IBTK: variants seen among roughly 807,000 people sequenced by gnomAD.
The protein encoded by IBTK is BTK-binding protein.
IBTK carries 83 observed loss-of-function variants against 154.9 expected under a neutral mutation model. That is an observed-to-expected ratio of 0.54 (90% CI 0.45 to 0.64). The LOEUF (loss-of-function observed/expected upper bound fraction) is 0.64, where lower values mean the gene tolerates loss of function less well. Among genes scored for constraint, IBTK ranks in the 30% least tolerant of loss-of-function variants. IBTK has a pLI of 0.00. For synonymous variants in IBTK, 515 were observed against 536.1 expected (o/e 0.96, Z 0.54); for missense variants, 1,332 against 1,584.6 (o/e 0.84, Z 2.71).
At position 82,202,628 on chromosome 6, in the gene IBTK, C is replaced by T; in HGVS notation, c.2629G>A (p.Ala877Thr). The T allele has an allele frequency of 6.3e-7, 1 of 1,592,038 alleles. No homozygotes were observed. Among genetic ancestry groups the T allele is most frequent in the Non-Finnish European group, 8.6e-7 (1 of 1,168,594 alleles). ...ATTGCTGCAAATTCCAGTAGCATAG[C>T]AGCATTCTTCAGGGTAACTACAAAG... ...LTEKLTLKNA[A>T]MLLEFAAMYS... The change falls in exon 18 of 29, where the codon GCT becomes ACT. Residue 877 changes from alanine to threonine, a missense_variant. Around this residue, in one of 3 missense-constraint regions of IBTK, gnomAD observed 1,134 missense variants for 1,274.7 expected, o/e 0.89. Transcript: ENST00000306270.
At chr6:82,199,675 C>T (rs538763752) in intron 21 of IBTK, among the ~76,000 whole-genome samples, 12 of 152,110 alleles carry the variant, frequency 7.9e-5, no homozygotes, top group Non-Finnish European at 1.6e-4. Flanking sequence ...AAATCTCATC[C>T]AGTCACATCC....
At chr6:82,224,029 C>T (rs763069329) in intron 7 of IBTK, 39 bp downstream of exon 7, 11 of 1,055,726 alleles carry the variant, frequency 1.0e-5, no homozygotes, top group Middle Eastern at 2.1e-4. Flanking sequence ...TTAAAGAGTC[C>T]AATTTAATTT....
intron 21 of IBTK, among the ~76,000 whole-genome samples, chr6:82,198,196 A>T (rs1769070864): frequency 6.6e-6 from 1 of 152,176 alleles, no homozygotes; most frequent in Non-Finnish European, 1.5e-5. Context: ...ATTATTTAAA[A>T]CAAACCAAAT....
chr6:82,173,319 A>G (rs1043054924), intron 27 of IBTK, 48 bp downstream of exon 27: 11 of 1,371,734 alleles, frequency 8.0e-6, no homozygotes, highest in African/African-American at 2.9e-5. Flanking sequence ...TTTCAATGCT[A>G]AGCAGCAACT....
At chr6:82,242,838 G>A (rs1008872091) in intron 1 of IBTK, among the ~76,000 whole-genome samples, 1 of 152,034 alleles carries the variant, frequency 6.6e-6, no homozygotes, top group Non-Finnish European at 1.5e-5. Context: ...TTGGGAGGCT[G>A]AGGCAGGAGA....
At chr6:82,246,516 C>T (rs904353128) in intron 1 of IBTK, among the ~76,000 whole-genome samples, 17 of 145,784 alleles carry the variant, frequency 1.2e-4, no homozygotes, top group Non-Finnish European at 1.2e-4. Context: ...GCGATCTCGG[C>T]TCACTGCAAC....
At chr6:82,220,030 C>A (rs1365034419) in intron 9 of IBTK, among the ~76,000 whole-genome samples, 1 of 151,652 alleles carries the variant, frequency 6.6e-6, no homozygotes, top group African/African-American at 2.4e-5. Context: ...GCTAACATGG[C>A]GAAACCCCGT....
At position 82,173,437 on chromosome 6, in the gene IBTK, A is replaced by T. The variant is rs1469114262; in HGVS notation, c.3727T>A (p.Cys1243Ser). The T allele has an allele frequency of 1.9e-6, 3 of 1,612,928 alleles. No homozygotes were observed. The highest frequency in any genetic ancestry group is 2.5e-6 in the Non-Finnish European group (3 of 1,179,172). The part of the protein sequence containing the change: ...ENSQAPKIVR[C>S]STHGTPGPEG... The stretch of plus-strand genomic sequence containing the variant: ...GGTCCTGGGGTACCATGGGTAGAGC[A>T]TCTGCAAAACAAATGCCAAAATTAA... Residue 1243 changes from cysteine (C) to serine (S), a missense_variant and splice_region_variant, in exon 27 of 29, where the codon TGC (cysteine) becomes AGC (serine). Cys to Ser is a moderately radical substitution (Grantham distance 112, BLOSUM62 -1). This residue lies in a region of IBTK where 1,134 missense variants were observed against 1,274.7 expected (regional missense o/e 0.89). Transcript: ENST00000306270.
intron 3 of IBTK, among the ~76,000 whole-genome samples, chr6:82,233,427 G>A (rs1339607468): frequency 1.3e-5 from 2 of 152,032 alleles, no homozygotes; most frequent in Non-Finnish European, 2.9e-5. Context: ...CCTCAATGCT[G>A]ATGTTACTTT....
At position 82,179,052 on chromosome 6, in the gene IBTK, T is replaced by G. The variant is rs197250; in HGVS notation, c.3725+2827A>C. ...ACATACTGGCTTAATATATTTGGAG[T>G]AAAGAAAGGCAAGACCAGTCAGGAG... is the stretch of plus-strand genomic sequence containing the variant. On this transcript the variant is annotated intron_variant, in intron 26 of 28. Transcript: ENST00000306270. Among the ~76,000 whole-genome samples the G allele has an allele frequency of 1.1e-3, 162 of 152,268 alleles. 1 individual carries two copies. The highest frequency in any genetic ancestry group is 1.9e-3 in the Non-Finnish European group (127 of 68,008).
intron 1 of IBTK, among the ~76,000 whole-genome samples, chr6:82,246,510 T>G (rs1771153536): frequency 7.0e-6 from 1 of 143,264 alleles, no homozygotes; most frequent in African/African-American, 2.6e-5. Flanking sequence ...AGCGGCGCGA[T>G]CTCGGCTCAC....
At position 82,223,592 on chromosome 6, in the gene IBTK, C is replaced by T. The variant is rs9361904; in HGVS notation, c.972G>A (p.Lys324=). The change falls in exon 8 of 29, where the codon AAG becomes AAA. Residue 324 remains lysine, a synonymous_variant. Transcript: ENST00000306270. ...AGACCTGACGAGGAGCAGTTACACACTTTTCTCCATTGGGATCTAGCAAAC... is the reference window on the plus strand; with the variant it reads ...AGACCTGACGAGGAGCAGTTACACATTTTTCTCCATTGGGATCTAGCAAAC... ...LGCLLDPNGE[K]CVTAPRQVSA... is the part of the protein sequence containing the mutation. The T allele has an allele frequency of 0.22, 361,159 of 1,611,388 alleles. 41,305 individuals are homozygous for T. The highest frequency in any genetic ancestry group is 0.29 in the Admixed American group (17,609 of 59,712).
chr6:82,240,534 T>A lies in IBTK; in HGVS notation c.-48A>T. ...ACTTCAGAATCGTGAAAACTAATTT[T>A]AAAAAATGAAAAAGCCAGGACACAA... On this transcript the variant is annotated 5_prime_UTR_variant, in exon 2 of 29. Transcript: ENST00000306270. The A allele has an allele frequency of 6.6e-7, 1 of 1,509,096 alleles. No individual in the cohort carries two copies. The highest frequency in any genetic ancestry group is 2.0e-5 in the Admixed American group (1 of 50,324). 93.5% of individuals were successfully genotyped at this position (1,509,096 alleles called of 1,614,324 possible).
intron 25 of IBTK, among the ~76,000 whole-genome samples, chr6:82,188,142 T>C (rs1768623290): frequency 2.0e-5 from 3 of 152,194 alleles, no homozygotes; most frequent in Admixed American, 6.5e-5. Context: ...CGTTACCCTA[T>C]AGTCACACCT....
Position 82,232,292 on chromosome 6 carries a change from T to C in IBTK, c.419-450A>G, listed in dbSNP as rs182644923. ...TTTCCATGAAAATAATATATAGAACTGTATCAAATGTAAGATATTATTAAT... is the reference window on the plus strand; with the variant it reads ...TTTCCATGAAAATAATATATAGAACCGTATCAAATGTAAGATATTATTAAT... On this transcript the variant is annotated intron_variant, in intron 3 of 28. Coordinates refer to ENST00000306270, the MANE Select transcript of IBTK (RefSeq NM_015525.4). 1.1e-4 allele frequency among the ~76,000 whole-genome samples: 17 copies of C among 152,306 alleles called. No individual in the cohort carries two copies. In the East Asian group the frequency reaches 3.3e-3, roughly 29 times the overall value.
intron 19 of IBTK, 82 bp from the exon 20 acceptor site, chr6:82,200,790 G>A (rs1475706260): frequency 2.3e-5 from 30 of 1,313,976 alleles, no homozygotes; most frequent in South Asian, 6.0e-5. Flanking sequence ...TTGTGCACAC[G>A]TGGCTCTTGC....
Position 82,227,016 on chromosome 6 carries a change from G to A in IBTK, c.654+176C>T, listed in dbSNP as rs1332124298. 5 of 498,778 alleles carry A rather than the reference G, an allele frequency of 1.0e-5. 1 individual carries two copies. In the Admixed American group the frequency reaches 1.8e-4, roughly 18 times the overall value. The allele number at this position is 498,778 out of a possible 1,614,324, so 30.9% of individuals were successfully genotyped here. A position where few individuals can be genotyped will look rare whatever the true frequency, so the allele number is the denominator to read the frequency against. On this transcript the variant is annotated intron_variant, in intron 5 of 28. Coordinates refer to ENST00000306270, the MANE Select transcript of IBTK (RefSeq NM_015525.4). ...TTACTTTTTTTAATCCTTTTGCATTGTATGTAAATCCTTAATTTAAACATG... is the reference window on the plus strand; with the variant it reads ...TTACTTTTTTTAATCCTTTTGCATTATATGTAAATCCTTAATTTAAACATG...
At chr6:82,206,637 G>C (rs1156601506) in intron 16 of IBTK, among the ~76,000 whole-genome samples, 1 of 151,846 alleles carries the variant, frequency 6.6e-6, no homozygotes. Context: ...AAACAGACAG[G>C]GACATCACAG....
chr6:82,186,796 C>G (rs1466712715), intron 25 of IBTK, among the ~76,000 whole-genome samples: 1 of 151,664 alleles, frequency 6.6e-6, no homozygotes, highest in Admixed American at 6.6e-5. Context: ...GATAAATTTT[C>G]TTAGTGTACT....
Sources: allele counts gnomAD v4.1 joint callset (sites outside exome capture counted in the v4.1 genomes callset), GRCh38; gene constraint gnomAD v4.1.1; regional missense constraint gnomAD v4.1.1; transcripts MANE v1.5; gene names NCBI Gene and HGNC (gene_info 2026-07-23, HGNC 2026-07-21).